MGRN1: variants seen among roughly 807,000 people sequenced by gnomAD.
MGRN1 encodes the protein mahogunin ring finger 1.
In MGRN1, 29 loss-of-function variants were observed where a neutral mutation model predicts 69.2. The observed-to-expected ratio is 0.42, with a 90% CI of 0.31 to 0.57. The LOEUF (loss-of-function observed/expected upper bound fraction) is 0.57. MGRN1 is among the 20% of genes least tolerant of loss of function. The pLI is 0.15. For missense variants in MGRN1, 998 were observed against 796.2 expected, an observed-to-expected ratio of 1.25 and a Z score of -3.05; for synonymous variants, 470 against 344.2, an observed-to-expected ratio of 1.37 and a Z score of -4.04.
At chr16:4,667,618 C>G (rs1186616236) in intron 7 of MGRN1, among the ~76,000 whole-genome samples, 1 of 152,186 alleles carries the variant, frequency 6.6e-6, no homozygotes, top group African/African-American at 2.4e-5. Context: ...ACCCACCAGC[C>G]TCACTGGAAA....
chr16:4,686,401 G>T, intron 16 of MGRN1: 3 of 1,490,842 alleles, frequency 2.0e-6, no homozygotes, highest in Non-Finnish European at 2.7e-6. Context: ...TCTGGTTTTT[G>T]GGTCTTCGTC....
At chr16:4,671,732 C>T (rs937166567) in intron 9 of MGRN1, among the ~76,000 whole-genome samples, 3 of 152,154 alleles carry the variant, frequency 2.0e-5, no homozygotes, top group Non-Finnish European at 4.4e-5. Flanking sequence ...CCTCTAGGCT[C>T]AGGTGTGTGG....
At chr16:4,647,400 G>A (rs754750272) in intron 1 of MGRN1, among the ~76,000 whole-genome samples, 12 of 152,194 alleles carry the variant, frequency 7.9e-5, no homozygotes, top group Non-Finnish European at 1.8e-4. Context: ...AATGTGGTGG[G>A]GCTATGTTCA....
rs1193097121 is a variant in MGRN1 at position 4,686,235 on chromosome 16, C to T, written c.1618+2303C>T. On this transcript the variant is annotated intron_variant, in intron 16 of 16. Transcript: ENST00000262370. ...GCGCGCTTGCTAACCGAGCTTCCGT[C>T]TGTCTCTCCCCCTCTCCGCGCAGCC... The T allele has an allele frequency of 5.2e-6, 8 of 1,540,892 alleles. No individual in the cohort carries two copies. The East Asian group carries it at 1.7e-4, about 33-fold the overall frequency.
intron 5 of MGRN1, among the ~76,000 whole-genome samples, chr16:4,663,708 G>T (rs540248749): frequency 1.3e-5 from 2 of 152,286 alleles, no homozygotes; most frequent in Admixed American, 6.5e-5. Context: ...GCCCAGGGGC[G>T]AAGTGCTTCC....
chr16:4,662,859 G>T (rs1416653892), intron 5 of MGRN1, among the ~76,000 whole-genome samples: 3 of 152,136 alleles, frequency 2.0e-5, no homozygotes, highest in Non-Finnish European at 4.4e-5. Context: ...GCGGGCTCAG[G>T]GTTCCCTTGT....
At chr16:4,639,384 C>T (rs976138112) in intron 1 of MGRN1, among the ~76,000 whole-genome samples, 15 of 151,634 alleles carry the variant, frequency 9.9e-5, no homozygotes, top group Non-Finnish European at 2.9e-5. Flanking sequence ...GAAGGTGGGG[C>T]GGGGTGGGCA....
rs1171294005 is a variant in MGRN1, at chr16:4,689,157, C to G, written c.*249C>G. ...GCAGCTTTCCATCCCTAGTTCAGAG[C>G]CCCCGTTCCCCAGGGTCCTGTGGGC... On this transcript the variant is annotated 3_prime_UTR_variant, in exon 17 of 17. Coordinates refer to ENST00000262370, the MANE Select transcript of MGRN1 (RefSeq NM_015246.4). 2.4e-5 allele frequency: 12 copies of G among 497,532 alleles called. No individual in the cohort carries two copies. Among genetic ancestry groups the G allele is most frequent in the African/African-American group, 2.1e-4 (11 of 51,348 alleles). 30.8% of individuals were successfully genotyped at this position (497,532 alleles called of 1,614,324 possible). A position where few individuals can be genotyped will look rare whatever the true frequency, so the allele number is the denominator to read the frequency against.
chr16:4,650,782 C>A, intron 2 of MGRN1: 1 of 278,390 alleles, frequency 3.6e-6, no homozygotes, highest in Non-Finnish European at 6.7e-6. Flanking sequence ...TGATTCCAGC[C>A]TTCTTGGATG....
intron 1 of MGRN1, among the ~76,000 whole-genome samples, chr16:4,643,649 C>G (rs530211840): frequency 3.3e-5 from 5 of 152,120 alleles, no homozygotes; most frequent in South Asian, 2.1e-4. Context: ...TGGGATTACA[C>G]GCGTGAGTCA....
rs150893432 is a variant in MGRN1 at position 4,663,391 on chromosome 16, T to TTTTTTA, written c.562-1318_562-1317insTTTTTA. On this transcript the variant is annotated intron_variant, in intron 5 of 16. Transcript: ENST00000262370. The stretch of plus-strand genomic sequence containing the variant: ...TTTTTTTTTTTTTTTTTTTTTTTTT[T>TTTTTTA]ACACCTTTATTGTGTTATAATTACC... Among the ~76,000 whole-genome samples the TTTTTTA allele has an allele frequency of 1.8e-3, 216 of 123,242 alleles. 20 individuals are homozygous for TTTTTTA. Among genetic ancestry groups the TTTTTTA allele is most frequent in the East Asian group, 7.7e-3 (29 of 3,776 alleles). The allele number at this position is 123,242 out of a possible 152,430, so 80.9% of individuals were successfully genotyped here.
At chr16:4,686,495 C>T in intron 16 of MGRN1, 2 of 1,384,598 alleles carry the variant, frequency 1.4e-6, no homozygotes, top group Non-Finnish European at 1.9e-6. Context: ...AAAGTGGCCT[C>T]CTGGGGGGTC....
chr16:4,680,907 G>A (rs187950667), intron 12 of MGRN1, among the ~76,000 whole-genome samples: 1 of 152,234 alleles, frequency 6.6e-6, no homozygotes. Context: ...AAGGAGCACT[G>A]ACGAGCGTTG....
intron 2 of MGRN1, 109 bp from the exon 3 acceptor site, chr16:4,651,854 C>A: frequency 1.0e-6 from 1 of 970,526 alleles, no homozygotes; most frequent in Non-Finnish European, 1.7e-6. Flanking sequence ...TCCCATGGGA[C>A]TAGATCCCAG....
rs190466175 is a variant in MGRN1 at position 4,653,194 on chromosome 16, A to T, written c.443+370A>T. On this transcript the variant is annotated intron_variant, in intron 4 of 16. Transcript: ENST00000262370. ...TCCCACAGTCCCCTCCTCAGGCTTG[A>T]TGAGTTGCTAGTGTGGCTCACAGAA... 3.4e-3 allele frequency among the ~76,000 whole-genome samples: 520 copies of T among 152,276 alleles called. 4 individuals are homozygous for T. The highest frequency in any genetic ancestry group is 0.012 in the African/African-American group (493 of 41,554).
At chr16:4,681,104 G>T (rs192066443) in intron 12 of MGRN1, among the ~76,000 whole-genome samples, 1 of 152,338 alleles carries the variant, frequency 6.6e-6, no homozygotes, top group African/African-American at 2.4e-5. Context: ...GCCCCCAGAG[G>T]CCCGGGCAGG....
At chr16:4,631,108 C>A in intron 1 of MGRN1, among the ~76,000 whole-genome samples, 1 of 152,226 alleles carries the variant, frequency 6.6e-6, no homozygotes, top group East Asian at 1.9e-4. Context: ...AGGTGTGAGC[C>A]GCTGTAGCTG....
chr16:4,659,485 C>T (rs1302527925), intron 5 of MGRN1, among the ~76,000 whole-genome samples: 1 of 152,198 alleles, frequency 6.6e-6, no homozygotes, highest in African/African-American at 2.4e-5. Context: ...TGGCCAGCTT[C>T]CTGAGGGGTA....
intron 1 of MGRN1, among the ~76,000 whole-genome samples, chr16:4,627,531 T>C (rs1335683714): frequency 1.3e-5 from 2 of 152,262 alleles, no homozygotes; most frequent in Non-Finnish European, 2.9e-5. Context: ...CTCACGCCTA[T>C]AATCCCATCA....
Sources: gnomAD v4.1 joint callset for allele counts (sites outside exome capture counted in the v4.1 genomes callset) on GRCh38, gnomAD v4.1.1 for gene constraint, MANE v1.5 for transcripts, NCBI Gene and HGNC (gene_info 2026-07-23, HGNC 2026-07-21) for gene names.